METTL24: variants seen among roughly 807,000 people sequenced by gnomAD.
METTL24 encodes methyltransferase like 24.
A neutral mutation model predicts 32.7 loss-of-function variants in METTL24; 29 were observed. The ratio of observed to expected loss-of-function variants is 0.89; its 90% confidence interval spans 0.66 to 1.21. METTL24 has a LOEUF of 1.21. Ranked by LOEUF, METTL24 falls within the 50% of genes most tolerant of loss-of-function variation. METTL24 has a pLI of 0.00. For synonymous variants in METTL24, 163 were observed against 179.5 expected (o/e 0.91, Z 0.73); for missense variants, 439 against 468.1 (o/e 0.94, Z 0.57).
At chr6:110,326,512 C>T (rs1446104034) in intron 1 of METTL24, among the ~76,000 whole-genome samples, 1 of 152,104 alleles carries the variant, frequency 6.6e-6, no homozygotes, top group East Asian at 1.9e-4. Context: ...GGTATTACAC[C>T]TAGATTATAA....
intron 3 of METTL24, among the ~76,000 whole-genome samples, chr6:110,299,558 T>A (rs1416694156): frequency 2.6e-5 from 4 of 152,206 alleles, no homozygotes; most frequent in Admixed American, 6.5e-5. Context: ...ATGAGGTAAT[T>A]TGTCTCCATT....
intron 1 of METTL24, among the ~76,000 whole-genome samples, chr6:110,332,047 G>A (rs187396352): frequency 4.6e-5 from 7 of 152,292 alleles, no homozygotes; most frequent in Admixed American, 2.6e-4. Flanking sequence ...AATCCAGAGC[G>A]CCAATCTGCC....
chr6:110,248,902 G>C (rs9487324), intron 4 of METTL24, among the ~76,000 whole-genome samples: 15,238 of 152,044 alleles, frequency 0.1, 1,042 homozygotes, highest in Middle Eastern at 0.13. Context: ...GGGGAATTAA[G>C]CTGCCAAAGG....
At chr6:110,323,243 G>C (rs1331938120) in intron 1 of METTL24, among the ~76,000 whole-genome samples, 1 of 152,188 alleles carries the variant, frequency 6.6e-6, no homozygotes, top group South Asian at 2.1e-4. Flanking sequence ...CTCCCTTATC[G>C]ACGACAGTCT....
At position 110,299,055 on chromosome 6, in the gene METTL24, A is replaced by G. The variant is rs1472570192; in HGVS notation, c.653T>C (p.Leu218Pro). 6.2e-7 allele frequency: 1 copy of G among 1,614,230 alleles called. No individual in the cohort carries two copies. The highest frequency in any genetic ancestry group is 8.5e-7 in the Non-Finnish European group (1 of 1,180,038). ...FDPSVKSAHI[L>P]ESQHLWYHRL... ...GTGATACCAAAGGTGCTGACTCTCC[A>G]GAATGTGAGCTGACTTGACACTAGG... Residue 218 changes from leucine (L) to proline (P), a missense_variant, in exon 4 of 5, where the codon CTG (leucine) becomes CCG (proline). By Grantham distance (98) the Leu-to-Pro change is moderately conservative (BLOSUM62 -3). Coordinates refer to ENST00000338882, the MANE Select transcript of METTL24 (RefSeq NM_001123364.3).
chr6:110,285,000 C>T (rs768866191), intron 4 of METTL24, among the ~76,000 whole-genome samples: 4 of 152,334 alleles, frequency 2.6e-5, no homozygotes, highest in South Asian at 2.1e-4. Flanking sequence ...TATGAAGCTG[C>T]ATCATGTAAT....
rs1229082461 is a variant in METTL24 at position 110,246,185 on chromosome 6, C to A, written c.862G>T (p.Glu288Ter). Residue 288 changes from glutamate (E) to a stop codon, truncating the protein, a stop_gained, in exon 5 of 5, where the codon GAG (glutamate) becomes TAG (stop). Coordinates refer to ENST00000338882, the MANE Select transcript of METTL24 (RefSeq NM_001123364.3). LOFTEE classifies it high-confidence loss of function. Reference sequence around the variant, plus strand: ...TCAAAGATGAGCTGTCCAATCTGCTCAAGAACATCTTCCAGAATAAGATTT... The same window carrying A: ...TCAAAGATGAGCTGTCCAATCTGCTAAAGAACATCTTCCAGAATAAGATTT... Reference protein sequence around the residue: ...LENLILEDVLEQIGQLIFEIH... With the variant: ...LENLILEDVL 1 of 1,614,150 alleles carries A rather than the reference C, an allele frequency of 6.2e-7. No individual in the cohort carries two copies.
chr6:110,307,273 G>T (rs1482065514), intron 3 of METTL24, among the ~76,000 whole-genome samples: 1 of 152,156 alleles, frequency 6.6e-6, no homozygotes, highest in Non-Finnish European at 1.5e-5. Context: ...TCACAAAGTA[G>T]TAATGAAGAA....
chr6:110,345,456 A>G (rs1246418992), intron 1 of METTL24, among the ~76,000 whole-genome samples: 1 of 152,356 alleles, frequency 6.6e-6, no homozygotes, highest in East Asian at 1.9e-4. Context: ...AAATCATTCT[A>G]CCATAAAGAC....
Position 110,279,053 on chromosome 6 carries a change from G to A in METTL24, c.786+19869C>T, listed in dbSNP as rs115687405. Among the ~76,000 whole-genome samples, 604 of 152,302 alleles carry A rather than the reference G, an allele frequency of 4.0e-3. 6 individuals are homozygous for A. Among genetic ancestry groups the A allele is most frequent in the African/African-American group, 0.014 (583 of 41,560 alleles). Reference sequence around the variant, plus strand: ...GGTCTGTAACAAGGTTATGACCATAGCATACTCAGCCAGCTGAACAAGTTT... The same window carrying A: ...GGTCTGTAACAAGGTTATGACCATAACATACTCAGCCAGCTGAACAAGTTT... On this transcript the variant is annotated intron_variant, in intron 4 of 4. Transcript: ENST00000338882.
intron 1 of METTL24, among the ~76,000 whole-genome samples, chr6:110,341,773 A>C (rs532774884): frequency 6.6e-6 from 1 of 152,232 alleles, no homozygotes; most frequent in Non-Finnish European, 1.5e-5. Flanking sequence ...CCAGTAATTT[A>C]ACCAGATTTC....
At position 110,329,358 on chromosome 6, in the gene METTL24, C is replaced by T. The variant is rs182138110; in HGVS notation, c.319-6486G>A. On this transcript the variant is annotated intron_variant, in intron 1 of 4. Coordinates refer to ENST00000338882, the MANE Select transcript of METTL24 (RefSeq NM_001123364.3). Reference sequence around the variant, plus strand: ...TGTTGATGTGTTGACGATGGAGAAGCCTAAGCTTTCTGGGAGAAACAAATC... The same window carrying T: ...TGTTGATGTGTTGACGATGGAGAAGTCTAAGCTTTCTGGGAGAAACAAATC... 3.7e-3 allele frequency among the ~76,000 whole-genome samples: 566 copies of T among 152,220 alleles called. 4 individuals carry two copies. Among genetic ancestry groups the T allele is most frequent in the African/African-American group, 0.013 (521 of 41,516 alleles).
At chr6:110,271,879 C>G (rs1364588152) in intron 4 of METTL24, among the ~76,000 whole-genome samples, 2 of 152,138 alleles carry the variant, frequency 1.3e-5, no homozygotes, top group Non-Finnish European at 2.9e-5. Flanking sequence ...TGTCCATTTT[C>G]TTTCTAGACA....
chr6:110,297,060 A>C (rs1006177176), intron 4 of METTL24, among the ~76,000 whole-genome samples: 7 of 152,260 alleles, frequency 4.6e-5, no homozygotes, highest in African/African-American at 1.7e-4. Context: ...TTCTTCAACA[A>C]GGAATTAAAA....
At chr6:110,256,782 T>G (rs1252605428) in intron 4 of METTL24, among the ~76,000 whole-genome samples, 1 of 152,234 alleles carries the variant, frequency 6.6e-6, no homozygotes, top group African/African-American at 2.4e-5. Context: ...GATTTTCAAC[T>G]CTTTATGCAC....
chr6:110,358,298 C>A lies in METTL24; in HGVS notation c.-26G>T. ...GGCGCTACACTCGGGGTCCCGCGGG[C>A]CGCGCCTGGCCGGCAGCAGGGATGT... On this transcript the variant is annotated 5_prime_UTR_variant, in exon 1 of 5. Coordinates refer to ENST00000338882, the MANE Select transcript of METTL24 (RefSeq NM_001123364.3). The A allele has an allele frequency of 7.1e-7, 1 of 1,417,910 alleles. No individual in the cohort carries two copies. Among genetic ancestry groups the A allele is most frequent in the Non-Finnish European group, 9.2e-7 (1 of 1,091,058 alleles). The allele number at this position is 1,417,910 out of a possible 1,614,324, so 87.8% of individuals were successfully genotyped here.
At chr6:110,284,966 C>T (rs4476868) in intron 4 of METTL24, among the ~76,000 whole-genome samples, 2,819 of 152,310 alleles carry the variant, frequency 0.019, 79 homozygotes, top group African/African-American at 0.065. Context: ...GGTTATTAAT[C>T]AGCTGGCCTC....
At chr6:110,345,092 G>A (rs1309326615) in intron 1 of METTL24, among the ~76,000 whole-genome samples, 1 of 151,866 alleles carries the variant, frequency 6.6e-6, no homozygotes, top group Non-Finnish European at 1.5e-5. Context: ...GAAAAAAACA[G>A]CCCCATTAAA....
intron 1 of METTL24, among the ~76,000 whole-genome samples, chr6:110,351,346 T>C (rs1772598743): frequency 6.6e-6 from 1 of 152,218 alleles, no homozygotes; most frequent in African/African-American, 2.4e-5. Flanking sequence ...TGCCAACTTA[T>C]TGCCAATGCT....
Sources: allele counts gnomAD v4.1 joint callset (sites outside exome capture counted in the v4.1 genomes callset), GRCh38; gene constraint gnomAD v4.1.1; transcripts MANE v1.5; gene names NCBI Gene and HGNC (gene_info 2026-07-23, HGNC 2026-07-21).